Variants in SEM1 observed in about 807,000 individuals in gnomAD.
The protein encoded by SEM1 is SEM1 26S proteasome subunit, also known as 26S proteasome complex subunit SEM1.
In SEM1, 3 loss-of-function variants were observed where a neutral mutation model predicts 12.7. The observed-to-expected ratio is 0.24, with a 90% CI of 0.11 to 0.61. The LOEUF (loss-of-function observed/expected upper bound fraction) is 0.61. SEM1 is among the 20% of genes least tolerant of loss of function. The pLI is 0.88. For missense variants in SEM1, 59 were observed against 81.3 expected (o/e 0.73, Z 1.06); for synonymous variants, 30 against 27.8 (o/e 1.08, Z -0.25).
chr7:96,694,721 TA>T, intron 2 of SEM1, 76 bp downstream of exon 2: 1 of 950,908 alleles, frequency 1.1e-6, no homozygotes. Flanking sequence ...TTTAAGAGGT[TA>T]ATCATCTATG....
At chr7:96,544,510 T>G (rs12704852) in intron 2 of SEM1, among the ~76,000 whole-genome samples, 93,157 of 151,842 alleles carry the variant, frequency 0.61, 29,336 homozygotes, top group Non-Finnish European at 0.69. Context: ...ATAGTATTGA[T>G]TATTCTCTTA....
intron 2 of SEM1, among the ~76,000 whole-genome samples, chr7:96,597,067 G>A (rs988748194): frequency 6.6e-6 from 1 of 152,126 alleles, no homozygotes; most frequent in Non-Finnish European, 1.5e-5. Context: ...ATGGACAGGA[G>A]GTGAAAGGCT....
intron 2 of SEM1, among the ~76,000 whole-genome samples, chr7:96,518,295 TA>T (rs1043088439): frequency 6.6e-6 from 1 of 152,146 alleles, no homozygotes; most frequent in African/African-American, 2.4e-5. Context: ...GCAATGGGCA[TA>T]AAATATAATC....
At chr7:96,676,764 A>C (rs1789459915) in intron 2 of SEM1, among the ~76,000 whole-genome samples, 1 of 152,192 alleles carries the variant, frequency 6.6e-6, no homozygotes, top group Non-Finnish European at 1.5e-5. Flanking sequence ...CAGAGGATCT[A>C]TGGGCTAGTA....
At chr7:96,703,972 A>AACACACACACACACAC (rs67174798) in intron 1 of SEM1, among the ~76,000 whole-genome samples, 27 of 142,176 alleles carry the variant, frequency 1.9e-4, no homozygotes, top group African/African-American at 6.7e-4. Flanking sequence ...GTCTCTTAAA[A>AACACACACACACACAC]ACACACACAC....
intron 2 of SEM1, among the ~76,000 whole-genome samples, chr7:96,553,046 G>A (rs1396223951): frequency 6.6e-6 from 1 of 151,822 alleles, no homozygotes; most frequent in Non-Finnish European, 1.5e-5. Context: ...GGGGTTGTTT[G>A]TTTTTTTCTT....
intron 2 of SEM1, among the ~76,000 whole-genome samples, chr7:96,627,502 C>A (rs894258116): frequency 4.6e-5 from 7 of 151,850 alleles, no homozygotes; most frequent in Non-Finnish European, 1.0e-4. Flanking sequence ...TTTCAATTTC[C>A]TTCTTATAAT....
intron 2 of SEM1, among the ~76,000 whole-genome samples, chr7:96,588,949 G>A (rs1806743917): frequency 6.6e-6 from 1 of 152,194 alleles, no homozygotes; most frequent in Non-Finnish European, 1.5e-5. Context: ...TAAAATTTGT[G>A]AGGAAAGAAA....
upstream of SEM1, among the ~76,000 whole-genome samples, chr7:96,499,196 T>C (rs899308214): frequency 3.3e-5 from 5 of 152,202 alleles, no homozygotes; most frequent in African/African-American, 9.6e-5. Context: ...GAAATTTCTG[T>C]TCCTGAATAA....
At chr7:96,560,627 GTTAAAA>G (rs1412093505) in intron 2 of SEM1, among the ~76,000 whole-genome samples, 4 of 151,216 alleles carry the variant, frequency 2.6e-5, no homozygotes, top group African/African-American at 2.4e-5. Flanking sequence ...TTTTTATATA[GTTAAAA>G]TTAAGAGTTT....
At chr7:96,569,962 A>G (rs978701844) in intron 2 of SEM1, among the ~76,000 whole-genome samples, 4 of 151,934 alleles carry the variant, frequency 2.6e-5, no homozygotes, top group South Asian at 4.1e-4. Flanking sequence ...ATTCTTTGCT[A>G]TTATAAATAG....
chr7:96,597,062 C>G (rs934563373), intron 2 of SEM1, among the ~76,000 whole-genome samples: 2 of 152,140 alleles, frequency 1.3e-5, no homozygotes, highest in African/African-American at 4.8e-5. Context: ...TAGAAATGGA[C>G]AGGAGGTGAA....
intron 2 of SEM1, among the ~76,000 whole-genome samples, chr7:96,679,668 G>A (rs567969721): frequency 5.3e-5 from 8 of 152,112 alleles, no homozygotes; most frequent in Non-Finnish European, 5.9e-5. Flanking sequence ...GGTTTAAATT[G>A]TCTAGATACA....
At chr7:96,646,599 A>G (rs1399812920) in intron 2 of SEM1, among the ~76,000 whole-genome samples, 5 of 152,286 alleles carry the variant, frequency 3.3e-5, no homozygotes. Flanking sequence ...TGTCTATAAT[A>G]TGCAAGGCAT....
intron 2 of SEM1, among the ~76,000 whole-genome samples, chr7:96,593,689 A>T (rs1299992080): frequency 6.6e-6 from 1 of 152,260 alleles, no homozygotes; most frequent in Non-Finnish European, 1.5e-5. Context: ...AGACTAAAGA[A>T]ATCCAATATC....
intron 1 of SEM1, among the ~76,000 whole-genome samples, chr7:96,701,367 A>T (rs1436792202): frequency 6.6e-6 from 1 of 152,056 alleles, no homozygotes; most frequent in Non-Finnish European, 1.5e-5. Flanking sequence ...GTGCCTTAAG[A>T]GACACCAGAG....
At chr7:96,614,742 G>A (rs1308404808) in intron 2 of SEM1, among the ~76,000 whole-genome samples, 2 of 152,156 alleles carry the variant, frequency 1.3e-5, no homozygotes, top group African/African-American at 4.8e-5. Context: ...TAGTGCATAT[G>A]CTTCAACCCA....
At chr7:96,665,176 A>T (rs1181223559) in intron 2 of SEM1, among the ~76,000 whole-genome samples, 1 of 151,198 alleles carries the variant, frequency 6.6e-6, no homozygotes, top group African/African-American at 2.4e-5. Context: ...CTAGCCTCCC[A>T]CTCCCAGCCA....
chr7:96,689,440 A>T (rs1789860723), intron 2 of SEM1, among the ~76,000 whole-genome samples: 1 of 152,222 alleles, frequency 6.6e-6, no homozygotes, highest in Admixed American at 6.5e-5. Context: ...ATTGCTTTCC[A>T]TATTGACATA....
Sources: gnomAD v4.1 joint callset for allele counts (sites outside exome capture counted in the v4.1 genomes callset) on GRCh38, gnomAD v4.1.1 for gene constraint, MANE v1.5 for transcripts, NCBI Gene and HGNC (gene_info 2026-07-23, HGNC 2026-07-21) for gene names.